Variants in GRIA2 observed in about 807,000 individuals in gnomAD.
The protein encoded by GRIA2 is glutamate ionotropic receptor AMPA type subunit 2.
A neutral mutation model predicts 97.3 loss-of-function variants in GRIA2; 14 were observed. The ratio of observed to expected loss-of-function variants is 0.14; its 90% CI spans 0.10 to 0.23. GRIA2 has a LOEUF of 0.23. Ranked by LOEUF, GRIA2 falls within the 10% of genes least tolerant of loss-of-function variation. The pLI, the probability that GRIA2 is intolerant of heterozygous loss-of-function variation, is 1.00. For missense variants in GRIA2, 558 were observed against 1,069.8 expected, an observed-to-expected ratio of 0.52 and a Z score of 6.67; for synonymous variants, 412 against 387.8, an observed-to-expected ratio of 1.06 and a Z score of -0.73.
chr4:157,279,585 A>G (rs1732501282), intron 2 of GRIA2, among the ~76,000 whole-genome samples: 2 of 152,226 alleles, frequency 1.3e-5, no homozygotes, highest in African/African-American at 4.8e-5. Context: ...TATGCATAGT[A>G]TTATTAGCAA....
intron 2 of GRIA2, among the ~76,000 whole-genome samples, chr4:157,272,222 G>T (rs1408463682): frequency 6.6e-6 from 1 of 152,024 alleles, no homozygotes; most frequent in Non-Finnish European, 1.5e-5. Flanking sequence ...CAATCAAATA[G>T]CAGGACTTCT....
At chr4:157,257,103 A>C (rs1731313240) in intron 2 of GRIA2, among the ~76,000 whole-genome samples, 4 of 152,096 alleles carry the variant, frequency 2.6e-5, no homozygotes, top group Admixed American at 2.0e-4. Flanking sequence ...AAATAACCCA[A>C]GTGAAACCAT....
intron 12 of GRIA2, among the ~76,000 whole-genome samples, chr4:157,347,357 C>T (rs980844064): frequency 6.6e-6 from 1 of 152,144 alleles, no homozygotes; most frequent in Non-Finnish European, 1.5e-5. Context: ...TTAAAGACCA[C>T]TCTTGCCATA....
chr4:157,256,389 A>G (rs914884529), intron 2 of GRIA2, among the ~76,000 whole-genome samples: 6 of 148,976 alleles, frequency 4.0e-5, no homozygotes, highest in East Asian at 3.9e-4. Flanking sequence ...TTTTTTAACA[A>G]TAAGCATGTA....
chr4:157,353,606 G>T (rs1736117789), intron 12 of GRIA2, among the ~76,000 whole-genome samples: 1 of 151,928 alleles, frequency 6.6e-6, no homozygotes, highest in Admixed American at 6.6e-5. Context: ...AACCCGGGAG[G>T]TGGAGCTTGC....
At chr4:157,322,186 G>A (rs1380934563) in intron 6 of GRIA2, among the ~76,000 whole-genome samples, 1 of 150,604 alleles carries the variant, frequency 6.6e-6, no homozygotes, top group African/African-American at 2.4e-5. Context: ...GTCAATAAAC[G>A]TATGGCCACA....
chr4:157,255,957 TATC>T (rs1314657596), intron 2 of GRIA2, among the ~76,000 whole-genome samples: 1 of 151,050 alleles, frequency 6.6e-6, no homozygotes, highest in African/African-American at 2.4e-5. Flanking sequence ...GTCAATGAGA[TATC>T]ATTCGTACAT....
At chr4:157,239,246 CTATAA>C (rs1730390497) in intron 2 of GRIA2, among the ~76,000 whole-genome samples, 1 of 152,008 alleles carries the variant, frequency 6.6e-6, no homozygotes. Context: ...TTAATAATGC[CTATAA>C]TATATGACAC....
At chr4:157,273,764 C>T (rs1732146131) in intron 2 of GRIA2, among the ~76,000 whole-genome samples, 1 of 151,926 alleles carries the variant, frequency 6.6e-6, no homozygotes, top group South Asian at 2.1e-4. Context: ...AACATACATA[C>T]ACATAATGGG....
chr4:157,272,336 A>C (rs1732066459), intron 2 of GRIA2, among the ~76,000 whole-genome samples: 1 of 152,074 alleles, frequency 6.6e-6, no homozygotes, highest in South Asian at 2.1e-4. Flanking sequence ...TCTAACACAG[A>C]TGCGAAGTCA....
intron 2 of GRIA2, among the ~76,000 whole-genome samples, chr4:157,290,463 G>A (rs532852967): frequency 5.4e-5 from 8 of 148,398 alleles, no homozygotes; most frequent in East Asian, 4.0e-4. Flanking sequence ...TACAAGATTC[G>A]TATTCAAAAA....
chr4:157,227,557 G>T (rs939911366), intron 2 of GRIA2, among the ~76,000 whole-genome samples: 2 of 152,164 alleles, frequency 1.3e-5, no homozygotes, highest in African/African-American at 4.8e-5. Context: ...TTGAGATAGA[G>T]AACTGTCCTT....
intron 2 of GRIA2, among the ~76,000 whole-genome samples, chr4:157,284,705 A>G (rs556661793): frequency 1.3e-5 from 2 of 151,796 alleles, no homozygotes; most frequent in Middle Eastern, 6.8e-3. Flanking sequence ...AATTTATGCA[A>G]GCAGATTGAC....
chr4:157,261,374 TATA>T (rs1731526226), intron 2 of GRIA2, among the ~76,000 whole-genome samples: 1 of 152,190 alleles, frequency 6.6e-6, no homozygotes. Flanking sequence ...TTTTGGTCTC[TATA>T]ATATTTGTCT....
chr4:157,333,142 T>C, intron 7 of GRIA2, 107 bp from the exon 8 acceptor site: 1 of 899,448 alleles, frequency 1.1e-6, no homozygotes, highest in Non-Finnish European at 1.7e-6. Flanking sequence ...GAAACAAATA[T>C]TATTGATGTA....
chr4:157,355,997 ATT>A (rs1736325092), intron 12 of GRIA2, among the ~76,000 whole-genome samples: 1 of 103,384 alleles, frequency 9.7e-6, no homozygotes, highest in East Asian at 2.6e-4. Flanking sequence ...ATTTATATAT[ATT>A]TATATATGTA....
At chr4:157,248,028 G>T (rs936143768) in intron 2 of GRIA2, among the ~76,000 whole-genome samples, 1 of 151,496 alleles carries the variant, frequency 6.6e-6, no homozygotes, top group Non-Finnish European at 1.5e-5. Context: ...CTCCCTTAAC[G>T]TTTTGTACTC....
intron 2 of GRIA2, among the ~76,000 whole-genome samples, chr4:157,233,336 C>A (rs1730107030): frequency 6.6e-6 from 1 of 152,098 alleles, no homozygotes; most frequent in African/African-American, 2.4e-5. Flanking sequence ...GGATGTTGAA[C>A]AATTTCAAAC....
chr4:157,321,676 G>A (rs1429193120), intron 6 of GRIA2, 77 bp downstream of exon 6: 2 of 977,998 alleles, frequency 2.0e-6, no homozygotes, highest in Admixed American at 4.6e-5. Context: ...AAGGAGGAAG[G>A]AGAAAATAAT....
Sources: gnomAD v4.1 joint callset for allele counts (sites outside exome capture counted in the v4.1 genomes callset) on GRCh38, gnomAD v4.1.1 for gene constraint, MANE v1.5 for transcripts, NCBI Gene and HGNC (gene_info 2026-07-23, HGNC 2026-07-21) for gene names.